TMEFF2: variants seen among roughly 807,000 people sequenced by gnomAD.
TMEFF2 encodes transmembrane protein with EGF like and two follistatin like domains 2, also known as tomoregulin-2.
A neutral mutation model predicts 53.8 loss-of-function variants in TMEFF2; 28 were observed. That is an observed-to-expected ratio of 0.52 (90% CI 0.39 to 0.71). TMEFF2 has a LOEUF of 0.71. Among genes scored for constraint, TMEFF2 ranks in the 30% least tolerant of loss-of-function variants. The probability of loss-of-function intolerance (pLI) is 0.00; values close to 1 mark genes in which losing one functional copy is unlikely to be tolerated. For synonymous variants in TMEFF2, 162 were observed against 166.3 expected (o/e 0.97, Z 0.20); for missense variants, 353 against 455.2 (o/e 0.78, Z 2.04).
chr2:192,083,368 T>A (rs1239426847), intron 4 of TMEFF2, among the ~76,000 whole-genome samples: 3 of 152,134 alleles, frequency 2.0e-5, no homozygotes, highest in Admixed American at 2.0e-4. Flanking sequence ...TTGTCATATG[T>A]GGTTTCAGGA....
chr2:192,037,273 TAAAGAAAGAAAGAAAGAAAGAAAG>T lies in TMEFF2; in HGVS notation c.536+20382_536+20405del, dbSNP rs58233148. On this transcript the variant is annotated intron_variant, in intron 5 of 9. Transcript: ENST00000272771. ...AATGCACTTCTAAGACTAGCCAAAA[TAAAGAAAGAAAGAAAGAAAGAAAG>T]AAAGAAAGAAAGAAAGAAAGAAAGA... Among the ~76,000 whole-genome samples the T allele has an allele frequency of 5.3e-3, 502 of 94,758 alleles. 10 individuals are homozygous for T. Among genetic ancestry groups the T allele is most frequent in the African/African-American group, 0.02 (474 of 23,328 alleles). 62.2% of individuals were successfully genotyped at this position (94,758 alleles called of 152,430 possible). A position where few individuals can be genotyped will look rare whatever the true frequency, so the allele number is the denominator to read the frequency against.
chr2:192,121,612 C>T (rs1282932988), intron 4 of TMEFF2, among the ~76,000 whole-genome samples: 1 of 152,124 alleles, frequency 6.6e-6, no homozygotes, highest in African/African-American at 2.4e-5. Context: ...TGCCATTCTG[C>T]CTCTGAAAGG....
intron 9 of TMEFF2, among the ~76,000 whole-genome samples, chr2:191,951,777 T>C (rs919155466): frequency 8.5e-5 from 13 of 152,178 alleles, no homozygotes; most frequent in Admixed American, 7.9e-4. Context: ...GGTTTGGTGG[T>C]CTTAAGGCAG....
At chr2:191,998,023 A>G (rs1686264109) in intron 7 of TMEFF2, among the ~76,000 whole-genome samples, 1 of 151,982 alleles carries the variant, frequency 6.6e-6, no homozygotes, top group Admixed American at 6.6e-5. Flanking sequence ...TGTAAAGACA[A>G]GCTAATTATA....
At chr2:192,059,883 G>T (rs1688002196) in intron 4 of TMEFF2, among the ~76,000 whole-genome samples, 1 of 152,060 alleles carries the variant, frequency 6.6e-6, no homozygotes, top group African/African-American at 2.4e-5. Flanking sequence ...CACCCACAAA[G>T]AAATATAAAA....
chr2:192,002,539 C>CT (rs1366986401), intron 5 of TMEFF2, among the ~76,000 whole-genome samples: 1 of 149,688 alleles, frequency 6.7e-6, no homozygotes, highest in African/African-American at 2.5e-5. Flanking sequence ...GGCTTGAAAA[C>CT]AATAAGCTGG....
intron 4 of TMEFF2, among the ~76,000 whole-genome samples, chr2:192,093,430 C>T (rs1365299950): frequency 7.2e-6 from 1 of 139,308 alleles, no homozygotes; most frequent in Non-Finnish European, 1.6e-5. Flanking sequence ...CTCCCAGACT[C>T]TTTCTTGTTT....
intron 4 of TMEFF2, among the ~76,000 whole-genome samples, chr2:192,128,552 T>G (rs1391317109): frequency 6.6e-6 from 1 of 152,214 alleles, no homozygotes; most frequent in Non-Finnish European, 1.5e-5. Flanking sequence ...TGTTGCCTTC[T>G]TATCGCAAGA....
intron 4 of TMEFF2, among the ~76,000 whole-genome samples, chr2:192,159,996 A>C (rs967796920): frequency 1.3e-5 from 2 of 152,198 alleles, no homozygotes; most frequent in Non-Finnish European, 2.9e-5. Flanking sequence ...TTTGGCAACG[A>C]AATGAATAGA....
chr2:192,116,063 A>T (rs2105960647), intron 4 of TMEFF2, among the ~76,000 whole-genome samples: 1 of 152,146 alleles, frequency 6.6e-6, no homozygotes, highest in East Asian at 1.9e-4. Flanking sequence ...TTCACAGTAG[A>T]CAAGGCATGG....
At chr2:192,121,790 T>C (rs1398973708) in intron 4 of TMEFF2, among the ~76,000 whole-genome samples, 5 of 152,258 alleles carry the variant, frequency 3.3e-5, no homozygotes, top group African/African-American at 9.6e-5. Context: ...GATAAACTCA[T>C]AGCTCAATGG....
At chr2:192,084,612 G>C (rs1008264359) in intron 4 of TMEFF2, among the ~76,000 whole-genome samples, 1 of 152,068 alleles carries the variant, frequency 6.6e-6, no homozygotes, top group Non-Finnish European at 1.5e-5. Flanking sequence ...TTTCAAACAT[G>C]CTTATATGTT....
chr2:192,015,028 G>A (rs965377157), intron 5 of TMEFF2, among the ~76,000 whole-genome samples: 14 of 152,094 alleles, frequency 9.2e-5, no homozygotes, highest in African/African-American at 1.9e-4. Context: ...ACTGCAAAGC[G>A]GATAATACCT....
chr2:191,957,562 T>A (rs186494475), intron 7 of TMEFF2, among the ~76,000 whole-genome samples: 1 of 152,302 alleles, frequency 6.6e-6, no homozygotes, highest in East Asian at 1.9e-4. Context: ...ATCAGACAAA[T>A]CTATTATTTA....
chr2:192,006,234 T>C (rs1406616803), intron 5 of TMEFF2, among the ~76,000 whole-genome samples: 2 of 152,064 alleles, frequency 1.3e-5, no homozygotes, highest in Non-Finnish European at 1.5e-5. Context: ...TCGATCTCTT[T>C]ATAAGGATGC....
intron 4 of TMEFF2, among the ~76,000 whole-genome samples, chr2:192,166,320 C>T (rs1048035777): frequency 7.2e-5 from 11 of 152,196 alleles, no homozygotes; most frequent in Middle Eastern, 6.8e-3. Flanking sequence ...TGTTGCCATA[C>T]CATGGCAGCC....
intron 4 of TMEFF2, among the ~76,000 whole-genome samples, chr2:192,103,323 T>G (rs1689076236): frequency 6.6e-6 from 1 of 152,194 alleles, no homozygotes; most frequent in African/African-American, 2.4e-5. Flanking sequence ...ATAAGTACTT[T>G]CACCAATGAC....
chr2:192,028,481 TGTGTG>T (rs1559090690), intron 5 of TMEFF2: 2 of 552 alleles, frequency 3.6e-3, no homozygotes, highest in East Asian at 0.083. Flanking sequence ...TACTGTTTTG[TGTGTG>T]TGTGTGTGTG....
chr2:192,033,172 A>G (rs923424969), intron 5 of TMEFF2, among the ~76,000 whole-genome samples: 4 of 152,218 alleles, frequency 2.6e-5, no homozygotes, highest in Admixed American at 1.3e-4. Flanking sequence ...CTAAGACACT[A>G]TCATACAGGT....
Sources: gnomAD v4.1 joint callset for allele counts (sites outside exome capture counted in the v4.1 genomes callset) on GRCh38, gnomAD v4.1.1 for gene constraint, MANE v1.5 for transcripts, NCBI Gene and HGNC (gene_info 2026-07-23, HGNC 2026-07-21) for gene names.